PCDHA13: variants seen among roughly 807,000 people sequenced by gnomAD.
The protein encoded by PCDHA13 is protocadherin alpha-13.
In PCDHA13, 54 loss-of-function variants were observed where a neutral mutation model predicts 64.8. The ratio of observed to expected loss-of-function variants is 0.83; its 90% CI spans 0.67 to 1.04. PCDHA13 has a LOEUF of 1.04. Ranked by LOEUF, PCDHA13 falls within the 50% of genes least tolerant of loss-of-function variation. The pLI is 0.00. For missense variants in PCDHA13, 1,248 were observed against 1,254.3 expected (o/e 0.99, Z 0.08); for synonymous variants, 587 against 564.4 (o/e 1.04, Z -0.57).
intron 1 of PCDHA13, among the ~76,000 whole-genome samples, chr5:140,959,596 A>G (rs2095498979): frequency 6.6e-6 from 1 of 152,224 alleles, no homozygotes; most frequent in Non-Finnish European, 1.5e-5. Flanking sequence ...AGCCAAGTAT[A>G]ACATGCTTTT....
At position 140,959,344 on chromosome 5, in the gene PCDHA13, C is replaced by T. The variant is rs541663379; in HGVS notation, c.2395-19605C>T. Among the ~76,000 whole-genome samples the T allele has an allele frequency of 2.0e-4, 30 of 152,112 alleles. No individual in the cohort carries two copies. The South Asian group carries it at 6.0e-3, about 31-fold the overall frequency. On this transcript the variant is annotated intron_variant, in intron 1 of 3. Coordinates refer to ENST00000289272, the MANE Select transcript of PCDHA13 (RefSeq NM_018904.3). Reference sequence around the variant, plus strand: ...AAGTTTTGATTATGCTACTGCACTCCAGCGGGACAACTGAGTGAGACCCTG... The same window carrying T: ...AAGTTTTGATTATGCTACTGCACTCTAGCGGGACAACTGAGTGAGACCCTG...
At chr5:140,960,162 C>T (rs782387212) in intron 1 of PCDHA13, among the ~76,000 whole-genome samples, 3 of 152,064 alleles carry the variant, frequency 2.0e-5, no homozygotes, top group Non-Finnish European at 4.4e-5. Context: ...ACTGATAATA[C>T]AATTCTTAAG....
chr5:141,009,701 C>G lies in PCDHA13; in HGVS notation c.2617C>G (p.Pro873Ala). The G allele has an allele frequency of 6.2e-7, 1 of 1,614,036 alleles. No homozygotes were observed. Among genetic ancestry groups the G allele is most frequent in the South Asian group, 1.1e-5 (1 of 91,056 alleles). The change falls in exon 4 of 4, where the codon CCA (proline) becomes GCA (alanine). Residue 873 changes from proline to alanine, a missense_variant. Coordinates refer to ENST00000289272, the MANE Select transcript of PCDHA13 (RefSeq NM_018904.3). ...NSNSWTFKYG[P>A]GNPKQSGPGE... ...CAACAGCTGGACCTTTAAATACGGA[C>G]CAGGCAACCCCAAACAATCCGGTCC...
chr5:140,981,033 GA>G (rs148859655), intron 2 of PCDHA13, among the ~76,000 whole-genome samples: 2 of 151,612 alleles, frequency 1.3e-5, no homozygotes, highest in Admixed American at 6.6e-5. Flanking sequence ...AATATTTGGG[GA>G]AAAAAAACAG....
chr5:140,942,589 T>G (rs1444015331), intron 1 of PCDHA13, among the ~76,000 whole-genome samples: 1 of 148,934 alleles, frequency 6.7e-6, no homozygotes, highest in Non-Finnish European at 1.5e-5. Flanking sequence ...GGATGTCACA[T>G]ATAATTATAG....
At chr5:140,915,694 G>A (rs2077262169) in intron 1 of PCDHA13, among the ~76,000 whole-genome samples, 1 of 151,538 alleles carries the variant, frequency 6.6e-6, no homozygotes, top group African/African-American at 2.4e-5. Flanking sequence ...GTATGGTGAT[G>A]CAAGCACTCC....
At chr5:140,941,629 A>G (rs965702759) in intron 1 of PCDHA13, among the ~76,000 whole-genome samples, 12 of 151,584 alleles carry the variant, frequency 7.9e-5, no homozygotes, top group African/African-American at 2.9e-4. Context: ...CTGCTTCTTA[A>G]TTTCTGTCTT....
chr5:141,007,315 C>T (rs1207897662), intron 3 of PCDHA13, among the ~76,000 whole-genome samples: 1 of 148,308 alleles, frequency 6.7e-6, no homozygotes, highest in Non-Finnish European at 1.5e-5. Flanking sequence ...TTTTGGGAGG[C>T]TAAAGTGGAC....
intron 1 of PCDHA13, chr5:140,927,627 T>G (rs145171269): frequency 6.2e-7 from 1 of 1,614,180 alleles, no homozygotes; most frequent in Non-Finnish European, 8.5e-7. Context: ...TTCCAGAGAC[T>G]GCACCCAATG....
chr5:140,976,679 G>A (rs1314378983), intron 1 of PCDHA13, among the ~76,000 whole-genome samples: 2 of 152,086 alleles, frequency 1.3e-5, no homozygotes, highest in African/African-American at 4.8e-5. Flanking sequence ...TCTCATTTTT[G>A]CAATTTAAGT....
chr5:140,905,215 AAGGTG>A (rs2071683869), intron 1 of PCDHA13, among the ~76,000 whole-genome samples: 1 of 152,186 alleles, frequency 6.6e-6, no homozygotes, highest in Non-Finnish European at 1.5e-5. Flanking sequence ...ATTTTTGTGT[AAGGTG>A]AGAGATGAGG....
chr5:140,886,006 G>C (rs2060811194), intron 1 of PCDHA13, among the ~76,000 whole-genome samples: 2 of 152,088 alleles, frequency 1.3e-5, no homozygotes, highest in Non-Finnish European at 2.9e-5. Context: ...AAATAGTAAA[G>C]GGAGATGCTA....
At chr5:140,923,950 C>T (rs544576500) in intron 1 of PCDHA13, among the ~76,000 whole-genome samples, 3 of 152,266 alleles carry the variant, frequency 2.0e-5, no homozygotes, top group Admixed American at 6.5e-5. Flanking sequence ...TTTTTCCTCA[C>T]GCCCTAATCT....
At chr5:140,955,385 G>A (rs1416235573) in intron 1 of PCDHA13, among the ~76,000 whole-genome samples, 4 of 152,216 alleles carry the variant, frequency 2.6e-5, no homozygotes, top group South Asian at 4.1e-4. Flanking sequence ...GAATCATGGG[G>A]GCAATTATCC....
intron 1 of PCDHA13, among the ~76,000 whole-genome samples, chr5:140,901,699 A>G (rs1373176124): frequency 6.6e-6 from 1 of 152,124 alleles, no homozygotes; most frequent in East Asian, 1.9e-4. Context: ...TTGTAGTTCT[A>G]TATACATTTT....
chr5:140,917,853 G>A (rs1187603480), intron 1 of PCDHA13, among the ~76,000 whole-genome samples: 1 of 151,906 alleles, frequency 6.6e-6, no homozygotes, highest in African/African-American at 2.4e-5. Flanking sequence ...TTTTTGCTTA[G>A]GATTGCTTTG....
At chr5:140,971,372 A>G (rs1554233263) in intron 1 of PCDHA13, among the ~76,000 whole-genome samples, 1 of 152,214 alleles carries the variant, frequency 6.6e-6, no homozygotes, top group Non-Finnish European at 1.5e-5. Flanking sequence ...AGGAGAGTGC[A>G]TGACTTTAAT....
chr5:140,962,557 C>A (rs1554226125), intron 1 of PCDHA13, among the ~76,000 whole-genome samples: 2 of 152,112 alleles, frequency 1.3e-5, no homozygotes, highest in Admixed American at 6.6e-5. Flanking sequence ...AGGATCTCCC[C>A]CTAAAAGCCA....
intron 1 of PCDHA13, among the ~76,000 whole-genome samples, chr5:140,963,244 T>C (rs934081934): frequency 6.6e-6 from 1 of 151,988 alleles, no homozygotes; most frequent in Non-Finnish European, 1.5e-5. Flanking sequence ...ATGGATTAGG[T>C]AGGTTTTCAT....
Sources: gnomAD v4.1 joint callset for allele counts (sites outside exome capture counted in the v4.1 genomes callset) on GRCh38, gnomAD v4.1.1 for gene constraint, MANE v1.5 for transcripts, NCBI Gene and HGNC (gene_info 2026-07-23, HGNC 2026-07-21) for gene names.